The following AP3S1 variants were observed in gnomAD, a reference collection of about 807,000 sequenced individuals.
The protein encoded by AP3S1 is AP-3 complex subunit sigma-1.
Under a neutral mutation model 21.3 loss-of-function variants are expected in AP3S1, and 12 were observed. The observed-to-expected ratio is 0.56, with a 90% confidence interval of 0.36 to 0.91. The LOEUF is 0.91. Among genes scored for constraint, AP3S1 ranks in the 40% least tolerant of loss-of-function variants. The probability of loss-of-function intolerance (pLI) is 0.01; values close to 1 mark genes in which losing one functional copy is unlikely to be tolerated. For synonymous variants in AP3S1, 48 were observed against 78.4 expected, an observed-to-expected ratio of 0.61 and a Z score of 2.05; for missense variants, 116 against 225.0, an observed-to-expected ratio of 0.52 and a Z score of 3.10.
At chr5:115,859,189 G>A (rs1415911790) in intron 1 of AP3S1, among the ~76,000 whole-genome samples, 1 of 152,190 alleles carries the variant, frequency 6.6e-6, no homozygotes, top group Non-Finnish European at 1.5e-5. Context: ...AAGCTAGGCA[G>A]TTTAGGTAGT....
chr5:115,904,385 A>G (rs1751469379), intron 5 of AP3S1, among the ~76,000 whole-genome samples: 1 of 152,216 alleles, frequency 6.6e-6, no homozygotes, highest in African/African-American at 2.4e-5. Flanking sequence ...AATTGAAGAA[A>G]ACACAGGGTG....
intron 4 of AP3S1, among the ~76,000 whole-genome samples, chr5:115,899,192 A>G (rs1751008730): frequency 6.6e-6 from 1 of 152,126 alleles, no homozygotes; most frequent in Admixed American, 6.5e-5. Context: ...CTTTCTTCCA[A>G]CCTGGTCCCT....
At position 115,871,909 on chromosome 5, in the gene AP3S1, A is replaced by C. The variant is rs569571207; in HGVS notation, c.273+1781A>C. Among the ~76,000 whole-genome samples, 14 of 152,298 alleles carry C rather than the reference A, an allele frequency of 9.2e-5. No individual in the cohort carries two copies. The South Asian group carries it at 2.5e-3, about 27-fold the overall frequency. ...ATAAAATTGGCTTTTGAAGTTAGCA[A>C]GAAGGTGGCATGGTTTGAGCTCTAG... On this transcript the variant is annotated intron_variant, in intron 3 of 5. Transcript: ENST00000316788.
chr5:115,862,379 C>T lies in AP3S1; in HGVS notation c.70-4291C>T, dbSNP rs181218800. ...ATCAATGCATAAAACACAGTAGATA[C>T]TAGTTTATTTTATCATTTACTACCA... On this transcript the variant is annotated intron_variant, in intron 1 of 5. Coordinates refer to ENST00000316788, the MANE Select transcript of AP3S1 (RefSeq NM_001284.4). Among the ~76,000 whole-genome samples, 3 of 152,186 alleles carry T rather than the reference C, an allele frequency of 2.0e-5. No homozygotes were observed. The East Asian group carries it at 5.8e-4, about 29-fold the overall frequency.
intron 3 of AP3S1, among the ~76,000 whole-genome samples, chr5:115,891,311 C>G (rs1020536591): frequency 2.0e-5 from 3 of 152,140 alleles, no homozygotes; most frequent in African/African-American, 7.2e-5. Flanking sequence ...GTTTGTCCCC[C>G]ACACACCAAG....
chr5:115,905,300 A>T (rs1751554444), intron 5 of AP3S1, among the ~76,000 whole-genome samples: 1 of 152,230 alleles, frequency 6.6e-6, no homozygotes, highest in Admixed American at 6.5e-5. Flanking sequence ...ATTTCAATGG[A>T]AATAGTTATA....
intron 1 of AP3S1, among the ~76,000 whole-genome samples, chr5:115,861,082 G>C (rs991072417): frequency 1.3e-5 from 2 of 152,116 alleles, no homozygotes; most frequent in Non-Finnish European, 2.9e-5. Flanking sequence ...TACTACAAAG[G>C]AAATTTGAGC....
intron 1 of AP3S1, among the ~76,000 whole-genome samples, chr5:115,842,861 G>A (rs1156934472): frequency 6.6e-6 from 1 of 152,218 alleles, no homozygotes; most frequent in Non-Finnish European, 1.5e-5. Context: ...ACTGATTGGA[G>A]CTGTGGTTCT....
intron 1 of AP3S1, among the ~76,000 whole-genome samples, chr5:115,849,278 A>G (rs532420436): frequency 6.6e-6 from 1 of 152,340 alleles, no homozygotes; most frequent in East Asian, 1.9e-4. Flanking sequence ...TTGATGGAGG[A>G]AAGCCTATAT....
At chr5:115,859,464 T>C (rs1173907160) in intron 1 of AP3S1, among the ~76,000 whole-genome samples, 2 of 152,210 alleles carry the variant, frequency 1.3e-5, no homozygotes, top group African/African-American at 4.8e-5. Flanking sequence ...AAAGCTCTGA[T>C]TTATAGCATT....
Position 115,913,356 on chromosome 5 carries a change from A to T in AP3S1, c.454-6A>T, listed in dbSNP as rs750047640. The T allele has an allele frequency of 2.4e-6, 1 of 419,262 alleles. No individual in the cohort carries two copies. Among genetic ancestry groups the T allele is most frequent in the East Asian group, 1.2e-4 (1 of 8,180 alleles). 26.0% of individuals were successfully genotyped at this position (419,262 alleles called of 1,614,324 possible). A position where few individuals can be genotyped will look rare whatever the true frequency, so the allele number is the denominator to read the frequency against. On this transcript the variant is annotated splice_polypyrimidine_tract_variant and splice_region_variant and intron_variant, in intron 5 of 5. Coordinates refer to ENST00000316788, the MANE Select transcript of AP3S1 (RefSeq NM_001284.4). ...TTCTTTTTCTTTTATTTGCTTCTGT[A>T]TACAGGCTGGCTTAGCAGGAGCTCC...
At chr5:115,842,156 G>A in intron 1 of AP3S1, 50 bp downstream of exon 1, 1 of 1,521,336 alleles carries the variant, frequency 6.6e-7, no homozygotes. Context: ...CGTTGGCGAC[G>A]GGCAGCGCCC....
At chr5:115,880,450 AT>A (rs1220632485) in intron 3 of AP3S1, among the ~76,000 whole-genome samples, 1 of 152,070 alleles carries the variant, frequency 6.6e-6, no homozygotes, top group Non-Finnish European at 1.5e-5. Context: ...CCTTAATTTC[AT>A]TATTTACCCA....
chr5:115,895,068 C>T lies in AP3S1; in HGVS notation c.274-19C>T. 2 of 1,556,262 alleles carry T rather than the reference C, an allele frequency of 1.3e-6. No individual in the cohort carries two copies. Among genetic ancestry groups the T allele is most frequent in the East Asian group, 2.3e-5 (1 of 44,008 alleles). ...AATAAATTTAAACAGTTCTTAAAAC[C>T]TTTTTTCTTTTTCCATAGGTATTTG... On this transcript the variant is annotated intron_variant, in intron 3 of 5. Transcript: ENST00000316788.
At chr5:115,881,810 A>T (rs144649281) in intron 3 of AP3S1, among the ~76,000 whole-genome samples, 4,599 of 152,016 alleles carry the variant, frequency 0.03, 252 homozygotes, top group African/African-American at 0.11. Flanking sequence ...ACTTGGTTCC[A>T]TTCTCCCTGT....
At chr5:115,903,214 C>A in intron 5 of AP3S1, 1 of 353,294 alleles carries the variant, frequency 2.8e-6, no homozygotes, top group Admixed American at 5.3e-5. Context: ...ACAGTCATAG[C>A]TGCCTTGGGT....
rs1362490071 is a variant in AP3S1, at chr5:115,841,962, C to T, written c.-76C>T. On this transcript the variant is annotated 5_prime_UTR_variant, in exon 1 of 6. Coordinates refer to ENST00000316788, the MANE Select transcript of AP3S1 (RefSeq NM_001284.4). ...GGGGCGGGTGGGGAAGGATCGCAGG[C>T]GAGATTACGAGGCGAGGCTCGCGCG... 6.6e-7 allele frequency: 1 copy of T among 1,514,732 alleles called. No homozygotes were observed. The highest frequency in any genetic ancestry group is 8.9e-7 in the Non-Finnish European group (1 of 1,127,082). The allele number at this position is 1,514,732 out of a possible 1,614,324, so 93.8% of individuals were successfully genotyped here.
chr5:115,888,228 C>T (rs576618351), intron 3 of AP3S1, among the ~76,000 whole-genome samples: 1 of 152,176 alleles, frequency 6.6e-6, no homozygotes, highest in East Asian at 1.9e-4. Flanking sequence ...GTGCTGTTTA[C>T]TATGATACTT....
Position 115,851,925 on chromosome 5 carries a change from AG to A in AP3S1, c.69+9820del, listed in dbSNP as rs576924919. On this transcript the variant is annotated intron_variant, in intron 1 of 5. Coordinates refer to ENST00000316788, the MANE Select transcript of AP3S1 (RefSeq NM_001284.4). ...ATTACTATATAATAGTACATTGTAT[AG>A]TATACTATAATTTAACCAATCAATG... Among the ~76,000 whole-genome samples the A allele has an allele frequency of 8.5e-4, 130 of 152,210 alleles. 2 individuals are homozygous for A. The highest frequency in any genetic ancestry group is 3.0e-3 in the African/African-American group (125 of 41,550).
Sources: gnomAD v4.1 joint callset for allele counts (sites outside exome capture counted in the v4.1 genomes callset) on GRCh38, gnomAD v4.1.1 for gene constraint, MANE v1.5 for transcripts, NCBI Gene and HGNC (gene_info 2026-07-23, HGNC 2026-07-21) for gene names.